The following RANBP2 variants were observed in gnomAD, a reference collection of about 807,000 sequenced individuals.
RANBP2 encodes the protein E3 SUMO-protein ligase RanBP2.
In RANBP2, 57 loss-of-function variants were observed where a neutral mutation model predicts 303.6. The observed-to-expected ratio is 0.19, with a 90% CI of 0.15 to 0.23. The LOEUF is 0.23. RANBP2 is among the 10% of genes least tolerant of loss of function. RANBP2 has a pLI of 1.00. For synonymous variants in RANBP2, 1,167 were observed against 1,301.5 expected (o/e 0.90, Z 2.23); for missense variants, 3,138 against 3,780.8 (o/e 0.83, Z 4.46).
At chr2:109,608,198 T>C in the RANBP2 span, among the ~76,000 whole-genome samples, 1 of 152,214 alleles carries the variant, frequency 6.6e-6, no homozygotes, top group East Asian at 1.9e-4. Flanking sequence ...TCCTGCCAAA[T>C]AGTATATATG....
chr2:109,717,303 G>A, the RANBP2 span, among the ~76,000 whole-genome samples: 1 of 146,566 alleles, frequency 6.8e-6, no homozygotes, highest in Non-Finnish European at 1.5e-5. Flanking sequence ...CCAGTTCCAC[G>A]GGGTGCGGTG....
the RANBP2 span, among the ~76,000 whole-genome samples, chr2:109,507,456 C>G: frequency 6.6e-6 from 1 of 152,216 alleles, no homozygotes; most frequent in Non-Finnish European, 1.5e-5. Context: ...TGTTGGAGCC[C>G]TGCTTCTGTT....
chr2:109,610,095 G>GTTTTTTTTTTTTTTT, the RANBP2 span, among the ~76,000 whole-genome samples: 1 of 143,432 alleles, frequency 7.0e-6, no homozygotes, highest in Admixed American at 6.9e-5. Context: ...TCCCTGAGGT[G>GTTTTTTTTTTTTTTT]TTTTTTTTTT....
At chr2:109,688,903 CCTTT>C in the RANBP2 span, among the ~76,000 whole-genome samples, 1 of 139,772 alleles carries the variant, frequency 7.2e-6, no homozygotes, top group African/African-American at 2.5e-5. Flanking sequence ...TTCCTTCCTT[CCTTT>C]CTTCCTTCCT....
the RANBP2 span, among the ~76,000 whole-genome samples, chr2:109,446,291 C>G: frequency 6.6e-6 from 1 of 152,158 alleles, no homozygotes; most frequent in African/African-American, 2.4e-5. Flanking sequence ...CTCAGAGACT[C>G]ACTCTTTTAT....
the RANBP2 span, among the ~76,000 whole-genome samples, chr2:109,234,712 A>G: frequency 1.9e-4 from 29 of 152,368 alleles, no homozygotes; most frequent in Non-Finnish European, 3.8e-4. Flanking sequence ...GGCTGATAGC[A>G]CACAGGCTCT....
At chr2:108,857,689 G>A in the RANBP2 span, among the ~76,000 whole-genome samples, 1 of 152,160 alleles carries the variant, frequency 6.6e-6, no homozygotes, top group African/African-American at 2.4e-5. Context: ...TAGTAATCTT[G>A]GAGTTGTGTA....
the RANBP2 span, among the ~76,000 whole-genome samples, chr2:109,046,447 C>T: frequency 2.1e-5 from 3 of 141,948 alleles, no homozygotes; most frequent in Admixed American, 1.5e-4. Context: ...ACTCTTGTTG[C>T]CCAGGCTGGA....
At chr2:109,239,631 G>A in the RANBP2 span, among the ~76,000 whole-genome samples, 1 of 152,126 alleles carries the variant, frequency 6.6e-6, no homozygotes, top group Non-Finnish European at 1.5e-5. Context: ...AGGATAACAG[G>A]GAGGAAAGAG....
the RANBP2 span, among the ~76,000 whole-genome samples, chr2:108,890,167 A>G: frequency 6.8e-6 from 1 of 147,896 alleles, no homozygotes; most frequent in Non-Finnish European, 1.5e-5. Flanking sequence ...TGAGTATATC[A>G]TACCATTCTC....
At chr2:108,749,879 G>A (rs1675717669) in intron 9 of RANBP2, among the ~76,000 whole-genome samples, 3 of 152,172 alleles carry the variant, frequency 2.0e-5, no homozygotes, top group Non-Finnish European at 4.4e-5. Flanking sequence ...GCCTGGCACA[G>A]TGGCTCATAT....
At chr2:108,875,769 G>A in the RANBP2 span, among the ~76,000 whole-genome samples, 1 of 152,200 alleles carries the variant, frequency 6.6e-6, no homozygotes, top group Non-Finnish European at 1.5e-5. Flanking sequence ...TGAGATGGGA[G>A]GATTGCTTGA....
At chr2:108,827,162 T>C in the RANBP2 span, among the ~76,000 whole-genome samples, 3 of 152,120 alleles carry the variant, frequency 2.0e-5, no homozygotes, top group Admixed American at 6.5e-5. Flanking sequence ...GAATGAAATG[T>C]TTAGCATTGA....
chr2:109,316,809 C>T, the RANBP2 span, among the ~76,000 whole-genome samples: 1 of 152,322 alleles, frequency 6.6e-6, no homozygotes, highest in East Asian at 1.9e-4. Context: ...CTGGTTATCC[C>T]TCCCTGGCCT....
the RANBP2 span, among the ~76,000 whole-genome samples, chr2:109,372,721 C>T: frequency 6.6e-6 from 1 of 152,162 alleles, no homozygotes; most frequent in Non-Finnish European, 1.5e-5. Context: ...CACACCATAT[C>T]CTGCCTCTCC....
the RANBP2 span, among the ~76,000 whole-genome samples, chr2:109,349,010 TGTCA>T: frequency 6.6e-6 from 1 of 152,190 alleles, no homozygotes; most frequent in East Asian, 1.9e-4. Flanking sequence ...TGTCTCTCTG[TGTCA>T]GTATTTCTCT....
the RANBP2 span, among the ~76,000 whole-genome samples, chr2:108,887,233 G>A: frequency 6.6e-6 from 1 of 152,042 alleles, no homozygotes; most frequent in African/African-American, 2.4e-5. Context: ...TTGTTCCATT[G>A]GTCTACGTGT....
At chr2:108,923,275 A>C in the RANBP2 span, 2 of 1,211,254 alleles carry the variant, frequency 1.7e-6, no homozygotes, top group Non-Finnish European at 2.5e-6. Context: ...CACCTTGTCC[A>C]GGTGCCAGGA....
At chr2:108,902,153 G>A in the RANBP2 span, among the ~76,000 whole-genome samples, 1 of 151,182 alleles carries the variant, frequency 6.6e-6, no homozygotes, top group Non-Finnish European at 1.5e-5. Flanking sequence ...AAGGAGAATC[G>A]CTTAAACCTG....
Sources: gnomAD v4.1 joint callset for allele counts (sites outside exome capture counted in the v4.1 genomes callset) on GRCh38, gnomAD v4.1.1 for gene constraint, MANE v1.5 for transcripts, NCBI Gene and HGNC (gene_info 2026-07-23, HGNC 2026-07-21) for gene names.